SUSD3: variants seen among roughly 807,000 people sequenced by gnomAD.
SUSD3 encodes sushi domain-containing protein 3.
SUSD3 carries 18 observed loss-of-function variants against 20.6 expected under a neutral mutation model. The ratio of observed to expected loss-of-function variants is 0.87; its 90% CI spans 0.60 to 1.30. The LOEUF is 1.30. Ranked by LOEUF, SUSD3 falls within the 50% of genes most tolerant of loss-of-function variation. The pLI, the probability that SUSD3 is intolerant of heterozygous loss-of-function variation, is 0.00. For missense variants in SUSD3, 306 were observed against 346.9 expected (o/e 0.88, Z 0.94); for synonymous variants, 137 against 141.5 (o/e 0.97, Z 0.23).
At position 93,079,467 on chromosome 9, in the gene SUSD3, C is replaced by T. The variant is rs770153807; in HGVS notation, c.426-4C>T. 5 of 1,613,778 alleles carry T rather than the reference C, an allele frequency of 3.1e-6. No homozygotes were observed. In the Admixed American group the frequency reaches 8.3e-5, roughly 27 times the overall value. On this transcript the variant is annotated splice_region_variant and splice_polypyrimidine_tract_variant and intron_variant, in intron 3 of 4. Transcript: ENST00000375472. ...AGAGTCCTTCCTCCCAAACTCTCCT[C>T]CAGGTCAGCCCAGCTGTGGTCCCAG... is the stretch of plus-strand genomic sequence containing the variant.
chr9:93,061,896 C>A (rs1425537604), intron 1 of SUSD3, among the ~76,000 whole-genome samples: 5 of 152,202 alleles, frequency 3.3e-5, no homozygotes, highest in Admixed American at 2.0e-4. Context: ...CTGTCACTCT[C>A]TCCCACAGCC....
Position 93,075,981 on chromosome 9 carries a change from C to A in SUSD3, c.277+9C>A. ...GTCCCCAGTGTGCAAACGTAAGGAC[C>A]CCTCTCTCAGCTCGGTGGCTCTGGG... On this transcript the variant is annotated intron_variant, in intron 2 of 4. Transcript: ENST00000375472. 6.3e-7 allele frequency: 1 copy of A among 1,577,762 alleles called. No homozygotes were observed. The highest frequency in any genetic ancestry group is 8.6e-7 in the Non-Finnish European group (1 of 1,156,092).
At chr9:93,063,142 C>T (rs1825573397) in intron 1 of SUSD3, among the ~76,000 whole-genome samples, 1 of 152,136 alleles carries the variant, frequency 6.6e-6, no homozygotes, top group South Asian at 2.1e-4. Context: ...CAGGAGACCC[C>T]ACTGGGGCCT....
At chr9:93,083,675 T>C (rs1053281162) in intron 4 of SUSD3, among the ~76,000 whole-genome samples, 3 of 152,254 alleles carry the variant, frequency 2.0e-5, no homozygotes, top group Non-Finnish European at 2.9e-5. Context: ...GGAGTCAGTC[T>C]GGCTCCTGCC....
rs143840368 is a variant in SUSD3, at chr9:93,074,202, T to C, written c.89-1582T>C. Among the ~76,000 whole-genome samples the C allele has an allele frequency of 2.0e-5, 3 of 152,134 alleles. No homozygotes were observed. In the East Asian group the frequency reaches 5.8e-4, roughly 29 times the overall value. ...GCTCACGTCTGTAATCCCAGCACTTTGGGAGGCCAAGGCGGCCGGATCACG... is the reference window on the plus strand; with the variant it reads ...GCTCACGTCTGTAATCCCAGCACTTCGGGAGGCCAAGGCGGCCGGATCACG... On this transcript the variant is annotated intron_variant, in intron 1 of 4. Coordinates refer to ENST00000375472, the MANE Select transcript of SUSD3 (RefSeq NM_145006.4).
rs1826311923 is a variant in SUSD3, at chr9:93,079,451, C to T, written c.426-20C>T. On this transcript the variant is annotated intron_variant, in intron 3 of 4. Transcript: ENST00000375472. ...ATACACCTGCATGCTCAGAGTCCTT[C>T]CTCCCAAACTCTCCTCCAGGTCAGC... is the stretch of plus-strand genomic sequence containing the variant. 1 of 1,612,928 alleles carries T rather than the reference C, an allele frequency of 6.2e-7. No individual in the cohort carries two copies. The highest frequency in any genetic ancestry group is 1.3e-5 in the African/African-American group (1 of 75,040).
At chr9:93,077,593 C>A (rs917526250) in intron 2 of SUSD3, among the ~76,000 whole-genome samples, 11 of 152,180 alleles carry the variant, frequency 7.2e-5, no homozygotes, top group African/African-American at 2.4e-4. Flanking sequence ...CTCCTACACA[C>A]CCTGCTCAAA....
At chr9:93,068,865 C>A (rs535040422) in intron 1 of SUSD3, among the ~76,000 whole-genome samples, 10,486 of 152,084 alleles carry the variant, frequency 0.069, 440 homozygotes, top group South Asian at 0.11. Context: ...ACTTCAGATA[C>A]TATATATGTT....
chr9:93,069,695 A>G (rs1825840801), intron 1 of SUSD3, among the ~76,000 whole-genome samples: 1 of 152,132 alleles, frequency 6.6e-6, no homozygotes, highest in Admixed American at 6.5e-5. Flanking sequence ...ATTTCTATTT[A>G]TAATAGCTTT....
chr9:93,063,059 A>G (rs981289041), intron 1 of SUSD3, among the ~76,000 whole-genome samples: 6 of 152,156 alleles, frequency 3.9e-5, no homozygotes, highest in Non-Finnish European at 7.4e-5. Context: ...TGTGGGCCTC[A>G]GTTTCCTCAT....
At chr9:93,068,353 ATG>A (rs1491010141) in intron 1 of SUSD3, among the ~76,000 whole-genome samples, 33 of 152,168 alleles carry the variant, frequency 2.2e-4, no homozygotes, top group Non-Finnish European at 4.3e-4. Flanking sequence ...TCTTTGATTC[ATG>A]TTAATTTTAG....
intron 1 of SUSD3, among the ~76,000 whole-genome samples, chr9:93,069,578 C>T (rs1457947795): frequency 6.6e-6 from 1 of 152,076 alleles, no homozygotes; most frequent in Non-Finnish European, 1.5e-5. Flanking sequence ...CTTTTTGATG[C>T]TGTTGTATAA....
chr9:93,059,740 C>G (rs544552609), intron 1 of SUSD3, among the ~76,000 whole-genome samples: 25 of 152,120 alleles, frequency 1.6e-4, no homozygotes, highest in Admixed American at 5.2e-4. Flanking sequence ...GCCTGCAGCC[C>G]CAGGGAACTG....
At chr9:93,076,014 G>T (rs770573104) in intron 2 of SUSD3, 42 bp downstream of exon 2, 5 of 1,522,736 alleles carry the variant, frequency 3.3e-6, no homozygotes, top group Non-Finnish European at 4.5e-6. Context: ...GGGGGTGGGG[G>T]ATGGCCCCAA....
chr9:93,067,320 T>A (rs980370400), intron 1 of SUSD3, among the ~76,000 whole-genome samples: 1 of 152,252 alleles, frequency 6.6e-6, no homozygotes, highest in African/African-American at 2.4e-5. Context: ...TTTATTCACT[T>A]ATTGGTTGAC....
In SUSD3 at chr9:93,084,525, C is replaced by G. The variant is rs767334247; in HGVS notation, c.558-12C>G. ...ACACTCTTTTGCCAACTCATGCCTC[C>G]TCTCTCCACAGAGACCATGGTGAGA... On this transcript the variant is annotated splice_polypyrimidine_tract_variant and intron_variant, in intron 4 of 4. Coordinates refer to ENST00000375472, the MANE Select transcript of SUSD3 (RefSeq NM_145006.4). 1 of 1,567,798 alleles carries G rather than the reference C, an allele frequency of 6.4e-7. No individual in the cohort carries two copies. Among genetic ancestry groups the G allele is most frequent in the South Asian group, 1.2e-5 (1 of 84,888 alleles).
At chr9:93,071,535 T>C (rs948850421) in intron 1 of SUSD3, among the ~76,000 whole-genome samples, 1 of 152,210 alleles carries the variant, frequency 6.6e-6, no homozygotes, top group African/African-American at 2.4e-5. Flanking sequence ...GATTAGATGG[T>C]GCCCACCAGA....
intron 1 of SUSD3, among the ~76,000 whole-genome samples, chr9:93,075,417 T>A (rs1337996592): frequency 5.0e-5 from 7 of 140,886 alleles, no homozygotes; most frequent in Non-Finnish European, 7.5e-5. Flanking sequence ...CCCTCTTTTT[T>A]TTTTTTTTTT....
chr9:93,064,843 G>A (rs182453241), intron 1 of SUSD3, among the ~76,000 whole-genome samples: 3 of 152,310 alleles, frequency 2.0e-5, no homozygotes, highest in Admixed American at 2.0e-4. Context: ...GAAGTGACTG[G>A]GGTCTTCTGG....
Sources: gnomAD v4.1 joint callset for allele counts (sites outside exome capture counted in the v4.1 genomes callset) on GRCh38, gnomAD v4.1.1 for gene constraint, MANE v1.5 for transcripts, NCBI Gene and HGNC (gene_info 2026-07-23, HGNC 2026-07-21) for gene names.